The following DENND5B variants were observed in gnomAD, a reference collection of about 807,000 sequenced individuals.
DENND5B encodes the protein DENN domain-containing protein 5B.
In DENND5B, 34 loss-of-function variants were observed where a neutral mutation model predicts 140.6. The observed-to-expected ratio is 0.24, with a 90% CI of 0.18 to 0.32. The LOEUF is 0.32. Among genes scored for constraint, DENND5B ranks in the 10% least tolerant of loss-of-function variants. The pLI is 1.00. For missense variants in DENND5B, 1,142 were observed against 1,560.2 expected (o/e 0.73, Z 4.52); for synonymous variants, 551 against 562.1 (o/e 0.98, Z 0.28).
At chr12:31,460,415 T>TC in intron 3 of DENND5B, 34 bp from the exon 4 acceptor site, 1 of 1,574,036 alleles carries the variant, frequency 6.4e-7, no homozygotes, top group Non-Finnish European at 8.6e-7. Context: ...AAGGGAAGAG[T>TC]CCAAGTAAAA....
chr12:31,402,338 G>A (rs1381884942), intron 15 of DENND5B, among the ~76,000 whole-genome samples, 160 bp downstream of exon 15: 1 of 152,174 alleles, frequency 6.6e-6, no homozygotes, highest in Non-Finnish European at 1.5e-5. Flanking sequence ...TATATAAGCT[G>A]CTTAAGACAA....
At position 31,545,950 on chromosome 12, in the gene DENND5B, C is replaced by CAAAAAAAAAAAAAAA. The variant is rs57460264; in HGVS notation, c.127+44741_127+44755dup. Among the ~76,000 whole-genome samples the CAAAAAAAAAAAAAAA allele has an allele frequency of 5.9e-3, 214 of 36,388 alleles. 31 individuals carry two copies. Among genetic ancestry groups the CAAAAAAAAAAAAAAA allele is most frequent in the Non-Finnish European group, 6.4e-3 (145 of 22,674 alleles). The allele number at this position is 36,388 out of a possible 152,430, so 23.9% of individuals were successfully genotyped here. A position where few individuals can be genotyped will look rare whatever the true frequency, so the allele number is the denominator to read the frequency against. On this transcript the variant is annotated intron_variant, in intron 1 of 20. Transcript: ENST00000389082. The stretch of plus-strand genomic sequence containing the variant: ...TGGGTGAGAGAGTAAGACACTGTCT[C>CAAAAAAAAAAAAAAA]AAAAAAAAAAAAAAAAAAAAAGTGG...
At chr12:31,565,469 C>T (rs918223310) in intron 1 of DENND5B, among the ~76,000 whole-genome samples, 2 of 152,190 alleles carry the variant, frequency 1.3e-5, no homozygotes, top group Non-Finnish European at 2.9e-5. Flanking sequence ...GTCGCTTACA[C>T]GTAGATAGTC....
At chr12:31,478,479 A>C (rs1288576320) in intron 3 of DENND5B, among the ~76,000 whole-genome samples, 3 of 152,140 alleles carry the variant, frequency 2.0e-5, no homozygotes, top group Non-Finnish European at 4.4e-5. Flanking sequence ...CCACGGCAGG[A>C]GGATCATTTG....
intron 1 of DENND5B, among the ~76,000 whole-genome samples, chr12:31,512,136 C>T (rs1314400643): frequency 2.0e-5 from 3 of 151,698 alleles, no homozygotes; most frequent in African/African-American, 7.3e-5. Flanking sequence ...AGGCTGGTCT[C>T]GAACTCCTGA....
At chr12:31,430,524 A>AAAC (rs1943464691) in intron 8 of DENND5B, among the ~76,000 whole-genome samples, 3 of 135,158 alleles carry the variant, frequency 2.2e-5, no homozygotes, top group South Asian at 2.4e-4. Context: ...AAAAAAAAAA[A>AAAC]TTAGGTGGGC....
At chr12:31,428,792 C>T (rs550037129) in intron 8 of DENND5B, among the ~76,000 whole-genome samples, 37 of 151,972 alleles carry the variant, frequency 2.4e-4, no homozygotes, top group Non-Finnish European at 4.1e-4. Flanking sequence ...AGTGCAGTGG[C>T]GCGATCTCGG....
chr12:31,515,048 A>C (rs1018563163), intron 1 of DENND5B, among the ~76,000 whole-genome samples: 8 of 152,246 alleles, frequency 5.3e-5, no homozygotes, highest in African/African-American at 1.9e-4. Context: ...ACTTGAGCAC[A>C]GAAGTTCAAG....
intron 17 of DENND5B, 105 bp downstream of exon 17, chr12:31,398,070 T>A: frequency 3.0e-6 from 3 of 992,354 alleles, no homozygotes; most frequent in Non-Finnish European, 3.9e-6. Flanking sequence ...ACTTTCTTCT[T>A]TTTAAAATCT....
Position 31,415,347 on chromosome 12 carries a change from C to T in DENND5B, c.2552+20G>A, listed in dbSNP as rs571902260. The T allele has an allele frequency of 1.2e-5, 19 of 1,578,016 alleles. No individual in the cohort carries two copies. In the East Asian group the frequency reaches 2.7e-4, roughly 23 times the overall value. ...TCAAAGTTATCACCACATGCTAACA[C>T]ATGTATTAATAACAAATACCTCATG... On this transcript the variant is annotated intron_variant, in intron 12 of 20. Transcript: ENST00000389082.
chr12:31,524,168 A>C (rs1948004652), intron 1 of DENND5B, among the ~76,000 whole-genome samples: 1 of 152,004 alleles, frequency 6.6e-6, no homozygotes, highest in South Asian at 2.1e-4. Flanking sequence ...CATAGGGCTA[A>C]TTTATGAATT....
chr12:31,499,483 C>A, intron 1 of DENND5B: 1 of 671,580 alleles, frequency 1.5e-6, no homozygotes, highest in South Asian at 5.7e-5. Context: ...AGAAGAGAAA[C>A]ATAAAATAAC....
intron 8 of DENND5B, 172 bp downstream of exon 8, chr12:31,432,983 A>G: frequency 1.8e-6 from 1 of 549,456 alleles, no homozygotes; most frequent in Non-Finnish European, 3.1e-6. Flanking sequence ...AAAAATGGAA[A>G]AAAGGGTGTT....
At position 31,479,908 on chromosome 12, in the gene DENND5B, G is replaced by A. The variant is rs1945990810; in HGVS notation, c.585C>T (p.Ile195=). 1.9e-6 allele frequency: 3 copies of A among 1,613,792 alleles called. No individual in the cohort carries two copies. Among genetic ancestry groups the A allele is most frequent in the African/African-American group, 1.3e-5 (1 of 74,920 alleles). The change falls in exon 3 of 21, where the codon ATC becomes ATT. Residue 195 remains isoleucine (I), a synonymous_variant. Transcript: ENST00000389082. ...AGGCCTGCATGAATGGTAACGGTGT[G>A]ATCAAGCATATACTTTTTGAAACAT... ...TLYVSKSICL[I]TPLPFMQACK...
At chr12:31,401,452 T>A (rs1365832922) in intron 15 of DENND5B, among the ~76,000 whole-genome samples, 1 of 152,112 alleles carries the variant, frequency 6.6e-6, no homozygotes, top group African/African-American at 2.4e-5. Flanking sequence ...GAAACTGCTA[T>A]TTCGAGACCC....
At chr12:31,447,423 G>C (rs1398608399) in intron 6 of DENND5B, 115 bp downstream of exon 6, 1 of 900,802 alleles carries the variant, frequency 1.1e-6, no homozygotes, top group African/African-American at 1.7e-5. Context: ...ATAGTACCAG[G>C]ATTAGCCATG....
At chr12:31,526,377 G>A (rs2617200) in intron 1 of DENND5B, among the ~76,000 whole-genome samples, 120,971 of 152,088 alleles carry the variant, frequency 0.8, 48,551 homozygotes, top group African/African-American at 0.89. Context: ...AAGAGAAGAC[G>A]CTAGATAAAC....
intron 1 of DENND5B, among the ~76,000 whole-genome samples, chr12:31,506,892 TC>T (rs1240901235): frequency 6.6e-6 from 1 of 152,200 alleles, no homozygotes; most frequent in African/African-American, 2.4e-5. Flanking sequence ...ACCAGGAAGT[TC>T]CACTAAATCT....
chr12:31,472,216 G>A (rs184044082), intron 3 of DENND5B, among the ~76,000 whole-genome samples: 1 of 152,228 alleles, frequency 6.6e-6, no homozygotes, highest in East Asian at 1.9e-4. Context: ...TGAGTCAAAG[G>A]ACTCAACCCA....
Sources: gnomAD v4.1 joint callset for allele counts (sites outside exome capture counted in the v4.1 genomes callset) on GRCh38, gnomAD v4.1.1 for gene constraint, MANE v1.5 for transcripts, NCBI Gene and HGNC (gene_info 2026-07-23, HGNC 2026-07-21) for gene names.